The following UBE2E2 variants were observed in gnomAD, a reference collection of about 807,000 sequenced individuals.
The protein encoded by UBE2E2 is ubiquitin conjugating enzyme E2 E2, also known as ubiquitin-conjugating enzyme E2 E2.
UBE2E2 carries 6 observed loss-of-function variants against 24.7 expected under a neutral mutation model. That is an observed-to-expected ratio of 0.24 (90% CI 0.13 to 0.48). The LOEUF (loss-of-function observed/expected upper bound fraction) is 0.48. Among genes scored for constraint, UBE2E2 ranks in the 20% least tolerant of loss-of-function variants. The pLI, the probability that UBE2E2 is intolerant of heterozygous loss-of-function variation, is 0.99. For synonymous variants in UBE2E2, 104 were observed against 83.6 expected (o/e 1.24, Z -1.33); for missense variants, 169 against 245.0 (o/e 0.69, Z 2.07).
intron 3 of UBE2E2, among the ~76,000 whole-genome samples, chr3:23,484,448 C>CT (rs529015109): frequency 5.0e-4 from 75 of 149,410 alleles, no homozygotes; most frequent in Middle Eastern, 3.4e-3. Flanking sequence ...GAAATGAAAA[C>CT]TTTTTTTTTT....
At chr3:23,264,950 G>C (rs2125357013) in intron 3 of UBE2E2, among the ~76,000 whole-genome samples, 1 of 152,294 alleles carries the variant, frequency 6.6e-6, no homozygotes, top group Non-Finnish European at 1.5e-5. Flanking sequence ...AGACTGAAAA[G>C]TGTTCACTAC....
chr3:23,578,082 C>T (rs1315577655), intron 5 of UBE2E2, among the ~76,000 whole-genome samples: 1 of 147,494 alleles, frequency 6.8e-6, no homozygotes, highest in African/African-American at 2.5e-5. Context: ...CTACAAGGAA[C>T]TTAAACAAAT....
intron 3 of UBE2E2, among the ~76,000 whole-genome samples, chr3:23,491,055 A>G (rs375562631): frequency 9.2e-5 from 14 of 152,320 alleles, no homozygotes; most frequent in South Asian, 2.1e-4. Flanking sequence ...GATAAAATTA[A>G]CAGTCCATTT....
At chr3:23,225,212 A>G (rs1696786016) in intron 3 of UBE2E2, among the ~76,000 whole-genome samples, 1 of 151,138 alleles carries the variant, frequency 6.6e-6, no homozygotes, top group Admixed American at 6.6e-5. Flanking sequence ...TCAGATATAT[A>G]ATTTGCAACT....
At chr3:23,306,991 CTTG>C (rs1361746822) in intron 3 of UBE2E2, among the ~76,000 whole-genome samples, 1 of 152,060 alleles carries the variant, frequency 6.6e-6, no homozygotes, top group Non-Finnish European at 1.5e-5. Context: ...TAGGAATTCT[CTTG>C]TTTAATAATT....
At chr3:23,538,121 T>A (rs915771202) in intron 5 of UBE2E2, among the ~76,000 whole-genome samples, 8 of 151,946 alleles carry the variant, frequency 5.3e-5, no homozygotes, top group Admixed American at 1.3e-4. Context: ...AAAAAAAAAA[T>A]TTTTTTTCCT....
chr3:23,228,349 C>A (rs1480126778), intron 3 of UBE2E2, among the ~76,000 whole-genome samples: 1 of 151,928 alleles, frequency 6.6e-6, no homozygotes, highest in Non-Finnish European at 1.5e-5. Context: ...AGCAACAGAA[C>A]ATTTTATTAT....
chr3:23,390,737 A>G (rs778484), intron 3 of UBE2E2, among the ~76,000 whole-genome samples: 100,284 of 152,084 alleles, frequency 0.66, 34,741 homozygotes, highest in African/African-American at 0.88. Context: ...TCCCTCTCCC[A>G]CAAGGGGTTT....
chr3:23,572,544 C>A (rs939146514), intron 5 of UBE2E2, among the ~76,000 whole-genome samples: 4 of 152,202 alleles, frequency 2.6e-5, no homozygotes, highest in African/African-American at 9.6e-5. Flanking sequence ...GACTCTCACT[C>A]TCCTTTTGAA....
chr3:23,288,649 A>G (rs1698681335), intron 3 of UBE2E2, among the ~76,000 whole-genome samples: 1 of 152,000 alleles, frequency 6.6e-6, no homozygotes, highest in Non-Finnish European at 1.5e-5. Context: ...TTGACCCTTT[A>G]TCATTATATT....
chr3:23,584,546 A>G (rs980504168), intron 5 of UBE2E2, among the ~76,000 whole-genome samples: 5 of 147,536 alleles, frequency 3.4e-5, no homozygotes, highest in African/African-American at 7.8e-5. Flanking sequence ...AGATTACGCA[A>G]TATGACAATC....
At chr3:23,211,223 G>A (rs1575472484) in intron 2 of UBE2E2, among the ~76,000 whole-genome samples, 1 of 152,124 alleles carries the variant, frequency 6.6e-6, no homozygotes, top group East Asian at 1.9e-4. Flanking sequence ...AAAAGTTAGA[G>A]GTAGTTTCAA....
chr3:23,272,739 G>A (rs1698279090), intron 3 of UBE2E2, among the ~76,000 whole-genome samples: 1 of 152,140 alleles, frequency 6.6e-6, no homozygotes, highest in South Asian at 2.1e-4. Context: ...CAAGTGCCAA[G>A]ATATGGAGAC....
In UBE2E2 at chr3:23,208,792, A is replaced by G. The variant is rs1216114833; in HGVS notation, c.93A>G (p.Pro31=). The G allele has an allele frequency of 1.2e-6, 2 of 1,613,724 alleles. No individual in the cohort carries two copies. Among genetic ancestry groups the G allele is most frequent in the Non-Finnish European group, 1.7e-6 (2 of 1,179,808 alleles). The change falls in exon 2 of 6, where the codon CCA becomes CCG. Residue 31 remains proline, a synonymous_variant. Coordinates refer to ENST00000396703, the MANE Select transcript of UBE2E2 (RefSeq NM_152653.4). ...GDQRESVQQE[P]EREQVQPKKK... ...AACGTGAAAGTGTTCAGCAAGAACC[A>G]GAAAGAGAACAAGTTCAGCCCAAGA...
intron 5 of UBE2E2, among the ~76,000 whole-genome samples, chr3:23,588,460 A>T (rs1696681768): frequency 7.2e-6 from 1 of 138,810 alleles, no homozygotes; most frequent in Non-Finnish European, 1.5e-5. Flanking sequence ...TCTGTCACCC[A>T]GGCTGGTATG....
intron 3 of UBE2E2, chr3:23,449,871 A>G (rs1698524397): frequency 2.0e-6 from 2 of 985,342 alleles, no homozygotes. Context: ...CCCCAGCCCT[A>G]TAATGGGGAA....
chr3:23,224,454 G>A (rs999404682), intron 3 of UBE2E2, among the ~76,000 whole-genome samples: 12 of 150,840 alleles, frequency 8.0e-5, no homozygotes, highest in Admixed American at 4.0e-4. Flanking sequence ...TTTTTTTCAG[G>A]TTATTTGCTG....
chr3:23,536,383 T>G (rs377544704), intron 5 of UBE2E2, among the ~76,000 whole-genome samples: 2 of 152,206 alleles, frequency 1.3e-5, no homozygotes, highest in Admixed American at 6.5e-5. Flanking sequence ...TTTTCCTTCT[T>G]GAGACGTGTA....
At chr3:23,351,106 T>C (rs948444689) in intron 3 of UBE2E2, among the ~76,000 whole-genome samples, 7 of 152,230 alleles carry the variant, frequency 4.6e-5, no homozygotes, top group African/African-American at 1.7e-4. Flanking sequence ...AAATGAATTT[T>C]CAGCCCATAA....
Sources: gnomAD v4.1 joint callset for allele counts (sites outside exome capture counted in the v4.1 genomes callset) on GRCh38, gnomAD v4.1.1 for gene constraint, MANE v1.5 for transcripts, NCBI Gene and HGNC (gene_info 2026-07-23, HGNC 2026-07-21) for gene names.